The following NKD1 variants were observed in gnomAD, a reference collection of about 807,000 sequenced individuals.
NKD1 encodes the protein NKD inhibitor of Wnt signaling pathway 1.
NKD1 carries 21 observed loss-of-function variants against 56.0 expected under a neutral mutation model. That is an observed-to-expected ratio of 0.38 (90% CI 0.27 to 0.54). The LOEUF (loss-of-function observed/expected upper bound fraction) is 0.54, where lower values mean the gene tolerates loss of function less well. Ranked by LOEUF, NKD1 falls within the 20% of genes least tolerant of loss-of-function variation. The probability of loss-of-function intolerance (pLI) is 0.82; values close to 1 mark genes in which losing one functional copy is unlikely to be tolerated. For missense variants in NKD1, 578 were observed against 642.7 expected (o/e 0.90, Z 1.09); for synonymous variants, 263 against 265.7 (o/e 0.99, Z 0.10).
At chr16:50,552,705 C>A (rs1033196430) in intron 3 of NKD1, among the ~76,000 whole-genome samples, 1 of 152,196 alleles carries the variant, frequency 6.6e-6, no homozygotes, top group Admixed American at 6.5e-5. Flanking sequence ...TCATCCCTGG[C>A]GGGTTATGAT....
intron 3 of NKD1, among the ~76,000 whole-genome samples, chr16:50,554,767 C>T (rs935366890): frequency 2.9e-4 from 44 of 152,088 alleles, no homozygotes; most frequent in South Asian, 6.2e-4. Flanking sequence ...TATAGGTGCA[C>T]GCCACTGTGT....
At chr16:50,564,431 G>T (rs1293610807) in intron 3 of NKD1, among the ~76,000 whole-genome samples, 1 of 152,218 alleles carries the variant, frequency 6.6e-6, no homozygotes. Flanking sequence ...AGGGCTTTAT[G>T]GCTTGCAAAG....
At chr16:50,607,866 C>T (rs1961749676) in intron 3 of NKD1, 1 of 187,934 alleles carries the variant, frequency 5.3e-6, no homozygotes, top group South Asian at 1.2e-4. Flanking sequence ...TGTTGACATC[C>T]TAGAAATTTC....
chr16:50,617,453 C>G (rs1961988528), intron 4 of NKD1, among the ~76,000 whole-genome samples: 1 of 152,194 alleles, frequency 6.6e-6, no homozygotes. Flanking sequence ...TGATCTCCCT[C>G]CAAAAGGTAT....
At chr16:50,594,904 G>T (rs1961442163) in intron 3 of NKD1, among the ~76,000 whole-genome samples, 1 of 152,232 alleles carries the variant, frequency 6.6e-6, no homozygotes, top group East Asian at 1.9e-4. Context: ...CCTGATCTGT[G>T]AGCACCTCGT....
At position 50,590,316 on chromosome 16, in the gene NKD1, A is replaced by T. The variant is rs929715179; in HGVS notation, c.193-17978A>T. On this transcript the variant is annotated intron_variant, in intron 3 of 9. Transcript: ENST00000268459. ...ATTAGAACACATCAGATCCTCATGT[A>T]AGTCTGGCCTATGCCTGATGGAGGA... Among the ~76,000 whole-genome samples the T allele has an allele frequency of 5.3e-5, 8 of 152,348 alleles. 1 individual carries two copies. The Middle Eastern group carries it at 0.014, about 261-fold the overall frequency.
At chr16:50,549,362 C>T (rs927911934) in intron 2 of NKD1, 60 bp from the exon 3 acceptor site, 79 of 1,579,196 alleles carry the variant, frequency 5.0e-5, no homozygotes, top group Non-Finnish European at 6.6e-5. Context: ...CTTCCCTCCG[C>T]GGGGGTAACT....
At position 50,562,249 on chromosome 16, in the gene NKD1, T is replaced by TC. The variant is rs1407847321; in HGVS notation, c.192+12695dup. 3.1e-6 allele frequency: 3 copies of TC among 965,872 alleles called. No homozygotes were observed. The African/African-American group carries it at 5.3e-5, about 17-fold the overall frequency. The allele number at this position is 965,872 out of a possible 1,614,324, so 59.8% of individuals were successfully genotyped here. On this transcript the variant is annotated intron_variant, in intron 3 of 9. Transcript: ENST00000268459. ...AATGAGCAAAGCAACTGCAAAACAT[T>TC]CATAGGCCATGGTCCTGTTTCTTAC...
rs1290830771 is a variant in NKD1 at position 50,640,463 on chromosome 16, T to C, written c.*6682T>C. ...GCCTAGGCAGAGGGGCAGTCAGCAG[T>C]GGTTATCAGGATCCTGGCTCTATGG... On this transcript the variant is annotated 3_prime_UTR_variant, in exon 10 of 10. Coordinates refer to ENST00000268459, the MANE Select transcript of NKD1 (RefSeq NM_033119.5). 6.6e-6 allele frequency: 1 copy of C among 152,158 alleles called. No homozygotes were observed. The highest frequency in any genetic ancestry group is 1.5e-5 in the Non-Finnish European group (1 of 68,028). The allele number at this position is 152,158 out of a possible 1,614,324, so 9.4% of individuals were successfully genotyped here.
chr16:50,564,916 T>C (rs894583755), intron 3 of NKD1, among the ~76,000 whole-genome samples: 2 of 152,204 alleles, frequency 1.3e-5, no homozygotes, highest in African/African-American at 4.8e-5. Flanking sequence ...CTTCCCCCTT[T>C]GGAGGTATCT....
intron 3 of NKD1, among the ~76,000 whole-genome samples, chr16:50,603,953 G>C (rs890979679): frequency 6.6e-6 from 1 of 152,250 alleles, no homozygotes; most frequent in African/African-American, 2.4e-5. Context: ...CACCAATCCA[G>C]GCCATTAGAC....
intron 5 of NKD1, among the ~76,000 whole-genome samples, chr16:50,622,078 G>GGGTGC (rs1962104572): frequency 6.6e-6 from 1 of 152,192 alleles, no homozygotes; most frequent in South Asian, 2.1e-4. Context: ...GCTGTTCTGG[G>GGGTGC]GGTGCCTGTG....
At chr16:50,574,287 G>C (rs771739995) in intron 3 of NKD1, 18 of 985,260 alleles carry the variant, frequency 1.8e-5, no homozygotes, top group Non-Finnish European at 2.0e-5. Context: ...GGACAGTGGG[G>C]GCTAGGGATT....
chr16:50,570,413 A>G (rs1045687664), intron 3 of NKD1, among the ~76,000 whole-genome samples: 5 of 152,170 alleles, frequency 3.3e-5, no homozygotes, highest in African/African-American at 9.7e-5. Flanking sequence ...TTAAAATGTT[A>G]TGGTCTACAC....
In NKD1 at chr16:50,608,320, C is replaced by T. The variant is rs933220077; in HGVS notation, c.219C>T (p.Asp73=). Residue 73 remains aspartate, a synonymous_variant, in exon 4 of 10, where the codon GAC becomes GAT. Transcript: ENST00000268459. The part of the protein sequence containing the change: ...TRELVGDVLR[D]TLSEEEEDDF... ...AGCTCGTGGGCGACGTGTTGAGAGA[C>T]ACGCTCAGCGAGGAAGAGGAGGACG... The T allele has an allele frequency of 1.2e-6, 2 of 1,613,388 alleles. No individual in the cohort carries two copies. Among genetic ancestry groups the T allele is most frequent in the African/African-American group, 2.7e-5 (2 of 74,928 alleles).
rs189212867 is a variant in NKD1, at chr16:50,587,839, G to A, written c.193-20455G>A. Among the ~76,000 whole-genome samples, 25 of 152,326 alleles carry A rather than the reference G, an allele frequency of 1.6e-4. No homozygotes were observed. In the East Asian group the frequency reaches 4.0e-3, roughly 25 times the overall value. ...GCAGTGGTATTAGATTCTCACAGAA[G>A]TGCAAACCCTATCGTGAACTGTGCA... On this transcript the variant is annotated intron_variant, in intron 3 of 9. Coordinates refer to ENST00000268459, the MANE Select transcript of NKD1 (RefSeq NM_033119.5).
intron 6 of NKD1, among the ~76,000 whole-genome samples, 177 bp downstream of exon 6, chr16:50,625,757 T>G (rs532561331): frequency 1.3e-5 from 2 of 152,208 alleles, no homozygotes; most frequent in Admixed American, 1.3e-4. Context: ...ATCCCAGAGC[T>G]GCTGGCAAGT....
At chr16:50,630,463 C>T (rs1962319685) in intron 7 of NKD1, 130 bp downstream of exon 7, 1 of 753,380 alleles carries the variant, frequency 1.3e-6, no homozygotes, top group Non-Finnish European at 2.1e-6. Flanking sequence ...AGGTGGGGTT[C>T]AAATGGGTCC....
rs1375575247 is a variant in NKD1, at chr16:50,634,262, T to C, written c.*481T>C. On this transcript the variant is annotated 3_prime_UTR_variant, in exon 10 of 10. Coordinates refer to ENST00000268459, the MANE Select transcript of NKD1 (RefSeq NM_033119.5). ...TTGCCCTTAACTGATTGTTATATGC[T>C]ACAAGGGATTTCAGTGGACTGCAGA... 6.5e-6 allele frequency: 1 copy of C among 153,366 alleles called. No individual in the cohort carries two copies. Among genetic ancestry groups the C allele is most frequent in the Non-Finnish European group, 1.5e-5 (1 of 68,466 alleles). 9.5% of individuals were successfully genotyped at this position (153,366 alleles called of 1,614,324 possible).
Sources: allele counts gnomAD v4.1 joint callset (sites outside exome capture counted in the v4.1 genomes callset), GRCh38; gene constraint gnomAD v4.1.1; transcripts MANE v1.5; gene names NCBI Gene and HGNC (gene_info 2026-07-23, HGNC 2026-07-21).